The following CCDC178 variants were observed in gnomAD, a reference collection of about 807,000 sequenced individuals.
CCDC178 encodes coiled-coil domain containing 178.
Under a neutral mutation model 117.4 loss-of-function variants are expected in CCDC178, and 126 were observed. That is an observed-to-expected ratio of 1.07 (90% CI 0.93 to 1.24). CCDC178 has a LOEUF of 1.24. Among genes scored for constraint, CCDC178 ranks in the 50% most tolerant of loss-of-function variants. The pLI is 0.00. For missense variants in CCDC178, 1,030 were observed against 986.9 expected (o/e 1.04, Z -0.59); for synonymous variants, 283 against 313.4 (o/e 0.90, Z 1.02).
chr18:33,332,587 T>C (rs2062684186), intron 10 of CCDC178, among the ~76,000 whole-genome samples: 1 of 152,138 alleles, frequency 6.6e-6, no homozygotes, highest in South Asian at 2.1e-4. Flanking sequence ...TTGTTTTGCT[T>C]TGCTTTGAGA....
At chr18:33,425,701 T>C (rs72942664) in intron 2 of CCDC178, among the ~76,000 whole-genome samples, 17,388 of 152,206 alleles carry the variant, frequency 0.11, 1,191 homozygotes, top group East Asian at 0.19. Flanking sequence ...CTCTTTTCCC[T>C]GGCTACATTC....
intron 20 of CCDC178, among the ~76,000 whole-genome samples, chr18:33,172,543 C>T (rs904480377): frequency 1.3e-5 from 2 of 152,008 alleles, no homozygotes; most frequent in Non-Finnish European, 2.9e-5. Context: ...ATACATTAGG[C>T]ATGCTATTTC....
chr18:33,230,246 CTGTGTG>C (rs111674114), intron 15 of CCDC178, among the ~76,000 whole-genome samples: 15 of 148,084 alleles, frequency 1.0e-4, no homozygotes, highest in African/African-American at 3.2e-4. Flanking sequence ...AACTCAGAGG[CTGTGTG>C]TGTGTGTGTG....
intron 9 of CCDC178, 80 bp from the exon 10 acceptor site, chr18:33,333,474 T>A: frequency 1.7e-6 from 1 of 602,142 alleles, no homozygotes; most frequent in East Asian, 3.3e-5. Flanking sequence ...AACATTTTAA[T>A]TTCAGAAATT....
At chr18:32,987,959 C>A (rs1413989759) in intron 21 of CCDC178, among the ~76,000 whole-genome samples, 1 of 151,732 alleles carries the variant, frequency 6.6e-6, no homozygotes, top group Admixed American at 6.6e-5. Flanking sequence ...CGCCTGCAAT[C>A]CCAGCTACTT....
intron 9 of CCDC178, 48 bp downstream of exon 9, chr18:33,346,163 C>A (rs750508004): frequency 7.2e-7 from 1 of 1,380,106 alleles, no homozygotes; most frequent in Non-Finnish European, 1.0e-6. Flanking sequence ...AATTAATTAT[C>A]TGTGCCCCCA....
rs535764605 is a variant in CCDC178, at chr18:33,310,248, G to A, written c.1022+13243C>T. ...TGCTGGGATTACAGGTGTGCACCAC[G>A]CCTGGACAATGACTGGTTATTCTAA... On this transcript the variant is annotated intron_variant, in intron 11 of 22. Coordinates refer to ENST00000383096, the MANE Select transcript of CCDC178 (RefSeq NM_001105528.4). Among the ~76,000 whole-genome samples, 11 of 152,062 alleles carry A rather than the reference G, an allele frequency of 7.2e-5. No individual in the cohort carries two copies. In the South Asian group the frequency reaches 8.3e-4, roughly 11 times the overall value.
At chr18:33,153,857 T>G (rs1231085034) in intron 20 of CCDC178, among the ~76,000 whole-genome samples, 7 of 151,762 alleles carry the variant, frequency 4.6e-5, no homozygotes, top group African/African-American at 1.7e-4. Flanking sequence ...AATTTGTAAA[T>G]AATATATATA....
chr18:33,109,263 T>G (rs1304300037), intron 20 of CCDC178, among the ~76,000 whole-genome samples: 1 of 151,658 alleles, frequency 6.6e-6, no homozygotes, highest in African/African-American at 2.4e-5. Flanking sequence ...AATCACAACC[T>G]TATATAGATA....
intron 22 of CCDC178, among the ~76,000 whole-genome samples, chr18:32,968,698 G>A (rs1465430966): frequency 6.6e-6 from 1 of 151,980 alleles, no homozygotes; most frequent in African/African-American, 2.4e-5. Context: ...CATATAGAGT[G>A]AACCAGTAAT....
In CCDC178 at chr18:33,025,116, C is replaced by T. The variant is rs533678284; in HGVS notation, c.2389-50435G>A. On this transcript the variant is annotated intron_variant, in intron 21 of 22. Transcript: ENST00000383096. ...GTCAACAACTGTATATAAAGAATTA[C>T]AGAACATAACCAAGTGGACTTTGTT... Among the ~76,000 whole-genome samples, 49 of 152,220 alleles carry T rather than the reference C, an allele frequency of 3.2e-4. No homozygotes were observed. In the South Asian group the frequency reaches 6.6e-3, roughly 21 times the overall value.
At chr18:33,355,024 T>C (rs963121325) in intron 7 of CCDC178, among the ~76,000 whole-genome samples, 1 of 152,230 alleles carries the variant, frequency 6.6e-6, no homozygotes, top group Admixed American at 6.5e-5. Context: ...TTTATCTCTT[T>C]GAAGATATTT....
chr18:33,271,844 A>G (rs1252155932), intron 12 of CCDC178, among the ~76,000 whole-genome samples: 1 of 151,544 alleles, frequency 6.6e-6, no homozygotes, highest in Non-Finnish European at 1.5e-5. Flanking sequence ...CTCAAGAATG[A>G]TTAGAAAATA....
chr18:33,044,159 T>C (rs913516474), intron 21 of CCDC178, among the ~76,000 whole-genome samples: 1 of 151,868 alleles, frequency 6.6e-6, no homozygotes, highest in Non-Finnish European at 1.5e-5. Context: ...TTTCCTTATC[T>C]GTAAAATGGC....
intron 21 of CCDC178, among the ~76,000 whole-genome samples, chr18:33,063,862 C>T (rs1266994368): frequency 6.6e-6 from 1 of 152,114 alleles, no homozygotes; most frequent in Non-Finnish European, 1.5e-5. Flanking sequence ...TTCAGCAAAC[C>T]CTAAAGCAAA....
chr18:32,953,991 T>C (rs962547313), intron 22 of CCDC178: 4 of 152,272 alleles, frequency 2.6e-5, no homozygotes, highest in Admixed American at 2.6e-4. Flanking sequence ...CACAGGTAGA[T>C]TGGAAGCAGA....
intron 20 of CCDC178, among the ~76,000 whole-genome samples, chr18:33,108,729 A>C (rs1287626874): frequency 6.6e-6 from 1 of 151,728 alleles, no homozygotes; most frequent in African/African-American, 2.4e-5. Flanking sequence ...GTTAGGTACA[A>C]AAGTCTCTCT....
chr18:33,081,007 A>G (rs2057288314), intron 21 of CCDC178, among the ~76,000 whole-genome samples: 1 of 152,204 alleles, frequency 6.6e-6, no homozygotes, highest in Admixed American at 6.5e-5. Context: ...ACCTTATAGG[A>G]AGTAGGGAAA....
At position 33,106,856 on chromosome 18, in the gene CCDC178, A is replaced by T. The variant is rs1291463917; in HGVS notation, c.2239-13946T>A. Among the ~76,000 whole-genome samples the T allele has an allele frequency of 4.0e-5, 6 of 151,768 alleles. No individual in the cohort carries two copies. In the East Asian group the frequency reaches 1.2e-3, roughly 29 times the overall value. On this transcript the variant is annotated intron_variant, in intron 20 of 22. Coordinates refer to ENST00000383096, the MANE Select transcript of CCDC178 (RefSeq NM_001105528.4). ...ATATGTATGGGAATTGAGATCCGTC[A>T]TCAAACCTATAACTGTCTTTGAAGA...
Sources: gnomAD v4.1 joint callset for allele counts (sites outside exome capture counted in the v4.1 genomes callset) on GRCh38, gnomAD v4.1.1 for gene constraint, MANE v1.5 for transcripts, NCBI Gene and HGNC (gene_info 2026-07-23, HGNC 2026-07-21) for gene names.